The following AUTS2 variants were observed in gnomAD, a reference collection of about 807,000 sequenced individuals.
AUTS2 encodes autism susceptibility gene 2 protein.
Under a neutral mutation model 112.4 loss-of-function variants are expected in AUTS2, and 17 were observed. The ratio of observed to expected loss-of-function variants is 0.15; its 90% CI spans 0.10 to 0.23. The LOEUF is 0.23. Among genes scored for constraint, AUTS2 ranks in the 10% least tolerant of loss-of-function variants. The pLI is 1.00. For missense variants in AUTS2, 1,510 were observed against 1,701.6 expected, an observed-to-expected ratio of 0.89 and a Z score of 1.98; for synonymous variants, 751 against 702.7, an observed-to-expected ratio of 1.07 and a Z score of -1.09.
rs559930078 is a variant in AUTS2, at chr7:70,513,729, C to T, written c.690+77948C>T. On this transcript the variant is annotated intron_variant, in intron 5 of 18. Transcript: ENST00000342771. ...AGGCTGGAGTGTAGTGGTGCAATCTCGGCTCACTGCAACCTCTGCTCCTGG... is the reference window on the plus strand; with the variant it reads ...AGGCTGGAGTGTAGTGGTGCAATCTTGGCTCACTGCAACCTCTGCTCCTGG... Among the ~76,000 whole-genome samples the T allele has an allele frequency of 3.3e-5, 5 of 149,344 alleles. No homozygotes were observed. In the South Asian group the frequency reaches 6.3e-4, roughly 19 times the overall value.
intron 5 of AUTS2, among the ~76,000 whole-genome samples, chr7:70,695,817 AAGC>A (rs1809061036): frequency 6.6e-6 from 1 of 152,214 alleles, no homozygotes; most frequent in Admixed American, 6.5e-5. Context: ...CTTAAATAAA[AAGC>A]AGCCAAAAGA....
intron 5 of AUTS2, among the ~76,000 whole-genome samples, chr7:70,633,502 T>TC (rs1805376754): frequency 6.7e-6 from 1 of 149,714 alleles, no homozygotes; most frequent in African/African-American, 2.5e-5. Context: ...TCCCAGCTGC[T>TC]CGGGAGGCTG....
intron 4 of AUTS2, among the ~76,000 whole-genome samples, chr7:70,365,248 G>T (rs954654553): frequency 6.6e-6 from 1 of 152,138 alleles, no homozygotes; most frequent in African/African-American, 2.4e-5. Context: ...CACCAACCCG[G>T]ATACAAAGAT....
intron 6 of AUTS2, among the ~76,000 whole-genome samples, chr7:70,755,955 G>T (rs1767594442): frequency 1.3e-5 from 2 of 151,680 alleles, no homozygotes; most frequent in Admixed American, 1.3e-4. Context: ...TTTATATTGT[G>T]CTTAACTTTC....
At chr7:70,212,968 TG>T (rs903105013) in intron 4 of AUTS2, among the ~76,000 whole-genome samples, 3 of 151,972 alleles carry the variant, frequency 2.0e-5, no homozygotes, top group African/African-American at 7.2e-5. Context: ...GTGGTTGGGG[TG>T]GGGGAACTAT....
intron 1 of AUTS2, among the ~76,000 whole-genome samples, chr7:69,616,516 C>T (rs1386802839): frequency 6.6e-6 from 1 of 152,064 alleles, no homozygotes; most frequent in Non-Finnish European, 1.5e-5. Flanking sequence ...GATGTTTTTT[C>T]CCCCCACAAC....
At position 70,281,296 on chromosome 7, in the gene AUTS2, A is replaced by G. The variant is rs573742092; in HGVS notation, c.660+146725A>G. ...GCAGCCTCATCTATGCTGTACCTGC[A>G]GTACAGACCAGCCTCATCTGTGCTT... is the stretch of plus-strand genomic sequence containing the variant. On this transcript the variant is annotated intron_variant, in intron 4 of 18. Transcript: ENST00000342771. 6.6e-5 allele frequency among the ~76,000 whole-genome samples: 10 copies of G among 152,358 alleles called. No homozygotes were observed. In the South Asian group the frequency reaches 2.1e-3, roughly 32 times the overall value.
intron 2 of AUTS2, among the ~76,000 whole-genome samples, chr7:69,908,908 A>G (rs1289227972): frequency 2.0e-5 from 3 of 152,156 alleles, no homozygotes; most frequent in Non-Finnish European, 2.9e-5. Flanking sequence ...GCAACTGTGG[A>G]TCTTTTGTTA....
chr7:70,257,946 C>T (rs1786968697), intron 4 of AUTS2, among the ~76,000 whole-genome samples: 2 of 152,192 alleles, frequency 1.3e-5, no homozygotes. Flanking sequence ...GGGCTCTGGT[C>T]CAACTCCTGG....
chr7:70,111,582 G>C (rs1369552063), intron 2 of AUTS2, among the ~76,000 whole-genome samples: 1 of 152,092 alleles, frequency 6.6e-6, no homozygotes, highest in African/African-American at 2.4e-5. Flanking sequence ...GAAAAATCCT[G>C]TTAGAACTTG....
chr7:70,601,065 C>T (rs989604997), intron 5 of AUTS2, among the ~76,000 whole-genome samples: 2 of 152,204 alleles, frequency 1.3e-5, no homozygotes, highest in African/African-American at 4.8e-5. Flanking sequence ...CATATGTTAA[C>T]TCTATGTTTC....
chr7:70,758,578 T>A (rs1240506528), intron 6 of AUTS2, among the ~76,000 whole-genome samples: 1 of 152,238 alleles, frequency 6.6e-6, no homozygotes, highest in East Asian at 1.9e-4. Flanking sequence ...TATTTTAGTA[T>A]AAGCATGATG....
chr7:70,704,479 T>C (rs973845300), intron 6 of AUTS2, among the ~76,000 whole-genome samples: 1 of 152,252 alleles, frequency 6.6e-6, no homozygotes, highest in Non-Finnish European at 1.5e-5. Context: ...TGCTGTCCTT[T>C]GAAAGAGTTT....
chr7:69,970,025 A>C (rs1327515251), intron 2 of AUTS2, among the ~76,000 whole-genome samples: 2 of 152,186 alleles, frequency 1.3e-5, no homozygotes, highest in African/African-American at 4.8e-5. Flanking sequence ...GATCACTGGA[A>C]TCATGATCCC....
At chr7:70,092,478 C>T (rs919552303) in intron 2 of AUTS2, among the ~76,000 whole-genome samples, 3 of 152,026 alleles carry the variant, frequency 2.0e-5, no homozygotes, top group African/African-American at 7.2e-5. Flanking sequence ...CAGCAAAATC[C>T]TAGTGGAAAA....
At chr7:70,183,856 C>T (rs1809460658) in intron 4 of AUTS2, among the ~76,000 whole-genome samples, 1 of 149,286 alleles carries the variant, frequency 6.7e-6, no homozygotes, top group Admixed American at 6.6e-5. Flanking sequence ...TTTTGTTGCC[C>T]CTTCTGTCTT....
At chr7:70,490,425 T>C (rs1159307504) in intron 5 of AUTS2, among the ~76,000 whole-genome samples, 3 of 151,478 alleles carry the variant, frequency 2.0e-5, no homozygotes, top group African/African-American at 7.3e-5. Flanking sequence ...GCTAGTTCTG[T>C]GTGGGTTTGT....
At chr7:70,776,516 G>T (rs534375684) in intron 13 of AUTS2, among the ~76,000 whole-genome samples, 1 of 152,084 alleles carries the variant, frequency 6.6e-6, no homozygotes, top group Admixed American at 6.5e-5. Context: ...TTAAACTTAG[G>T]AACAGCGCCC....
In AUTS2 at chr7:70,605,546, C is replaced by CTCTTT. The variant is rs1554440368; in HGVS notation, c.691-93022_691-93021insCTTTT. The stretch of plus-strand genomic sequence containing the variant: ...TTTCTTTCTTTCTTTCCTTCTTTCT[C>CTCTTT]TTTTTTTTTTTTTTTTTTTTGGTCT... On this transcript the variant is annotated intron_variant, in intron 5 of 18. Coordinates refer to ENST00000342771, the MANE Select transcript of AUTS2 (RefSeq NM_015570.4). 4.7e-3 allele frequency among the ~76,000 whole-genome samples: 332 copies of CTCTTT among 70,684 alleles called. 7 individuals are homozygous for CTCTTT. Among genetic ancestry groups the CTCTTT allele is most frequent in the African/African-American group, 0.021 (314 of 15,152 alleles). 46.4% of individuals were successfully genotyped at this position (70,684 alleles called of 152,430 possible). A position where few individuals can be genotyped will look rare whatever the true frequency, so the allele number is the denominator to read the frequency against.
Sources: gnomAD v4.1 joint callset for allele counts (sites outside exome capture counted in the v4.1 genomes callset) on GRCh38, gnomAD v4.1.1 for gene constraint, MANE v1.5 for transcripts, NCBI Gene and HGNC (gene_info 2026-07-23, HGNC 2026-07-21) for gene names.